Variants in RBFOX1 observed in about 807,000 individuals in gnomAD.
The protein encoded by RBFOX1 is RNA binding fox-1 homolog 1, also known as RNA binding protein fox-1 homolog 1.
A neutral mutation model predicts 57.7 loss-of-function variants in RBFOX1; 8 were observed. The observed-to-expected ratio is 0.14, with a 90% CI of 0.08 to 0.25. The LOEUF (loss-of-function observed/expected upper bound fraction) is 0.25, where lower values mean the gene tolerates loss of function less well. RBFOX1 is among the 10% of genes least tolerant of loss of function. The pLI, the probability that RBFOX1 is intolerant of heterozygous loss-of-function variation, is 1.00. For missense variants in RBFOX1, 611 were observed against 548.5 expected (o/e 1.11, Z -1.14); for synonymous variants, 326 against 222.4 (o/e 1.47, Z -4.15).
chr16:5,338,436 C>T (rs1445222076), intron 1 of RBFOX1, among the ~76,000 whole-genome samples: 1 of 152,094 alleles, frequency 6.6e-6, no homozygotes, highest in African/African-American at 2.4e-5. Context: ...AGCTGGTTTG[C>T]AGAGAGAAAA....
chr16:7,541,717 A>T (rs1398083599), intron 5 of RBFOX1, among the ~76,000 whole-genome samples: 1 of 152,206 alleles, frequency 6.6e-6, no homozygotes, highest in African/African-American at 2.4e-5. Flanking sequence ...GGCTTTCTCC[A>T]TGCAAGCAGC....
At chr16:7,016,298 C>G (rs2093909364) in intron 3 of RBFOX1, among the ~76,000 whole-genome samples, 2 of 152,136 alleles carry the variant, frequency 1.3e-5, no homozygotes, top group African/African-American at 4.8e-5. Context: ...ATCCTTCTGC[C>G]ATACTATTCA....
intron 1 of RBFOX1, among the ~76,000 whole-genome samples, chr16:6,147,154 C>A (rs2096764468): frequency 6.6e-6 from 1 of 152,122 alleles, no homozygotes; most frequent in East Asian, 1.9e-4. Context: ...TTTTCCATCC[C>A]ACTCCAACTG....
intron 1 of RBFOX1, among the ~76,000 whole-genome samples, chr16:5,404,836 C>T (rs1433675497): frequency 2.0e-5 from 3 of 152,184 alleles, no homozygotes; most frequent in Middle Eastern, 3.4e-3. Context: ...TGAGAGAGAG[C>T]GACAAAGCCA....
intron 4 of RBFOX1, among the ~76,000 whole-genome samples, chr16:7,183,928 C>T (rs1050939124): frequency 2.6e-5 from 4 of 151,952 alleles, no homozygotes; most frequent in African/African-American, 9.7e-5. Context: ...ATTAATAAAC[C>T]AATAAAGAGA....
intron 4 of RBFOX1, among the ~76,000 whole-genome samples, chr16:5,935,311 G>T (rs1172004382): frequency 6.6e-6 from 1 of 152,182 alleles, no homozygotes; most frequent in Non-Finnish European, 1.5e-5. Flanking sequence ...CATGCCACAT[G>T]GGGCCACATG....
intron 5 of RBFOX1, among the ~76,000 whole-genome samples, chr16:7,527,724 T>C (rs2079018753): frequency 6.6e-6 from 1 of 152,178 alleles, no homozygotes; most frequent in Non-Finnish European, 1.5e-5. Flanking sequence ...CAGTAATGTC[T>C]ATGAAGGTCT....
intron 4 of RBFOX1, among the ~76,000 whole-genome samples, chr16:5,918,573 A>C (rs1463601321): frequency 3.9e-5 from 6 of 152,226 alleles, no homozygotes; most frequent in Non-Finnish European, 8.8e-5. Flanking sequence ...TATCTATAAC[A>C]AAATTAGTCC....
intron 4 of RBFOX1, among the ~76,000 whole-genome samples, chr16:7,276,974 G>A (rs540532163): frequency 8.5e-5 from 13 of 152,286 alleles, no homozygotes; most frequent in African/African-American, 3.1e-4. Context: ...AGCAGCTTAT[G>A]TGCAGCAAAT....
intron 1 of RBFOX1, among the ~76,000 whole-genome samples, chr16:5,244,124 T>G (rs2062236234): frequency 6.6e-6 from 1 of 152,168 alleles, no homozygotes; most frequent in African/African-American, 2.4e-5. Context: ...CTCAAACTCC[T>G]GACCTGAGGT....
intron 3 of RBFOX1, among the ~76,000 whole-genome samples, chr16:6,672,099 G>A (rs936486840): frequency 6.6e-6 from 1 of 152,142 alleles, no homozygotes. Context: ...AAAGACCGTA[G>A]GTCCATCTCA....
intron 1 of RBFOX1, among the ~76,000 whole-genome samples, chr16:6,244,766 C>T (rs1173041435): frequency 6.6e-6 from 1 of 152,162 alleles, no homozygotes; most frequent in African/African-American, 2.4e-5. Flanking sequence ...CCTTGACCTC[C>T]CAAAGTGCTG....
At chr16:5,529,895 A>G (rs963316783) in intron 2 of RBFOX1, among the ~76,000 whole-genome samples, 1 of 152,106 alleles carries the variant, frequency 6.6e-6, no homozygotes, top group African/African-American at 2.4e-5. Context: ...GGGGATATTT[A>G]GACACAGGGA....
At chr16:5,583,474 C>G (rs1429196692) in intron 2 of RBFOX1, among the ~76,000 whole-genome samples, 31 of 152,216 alleles carry the variant, frequency 2.0e-4, no homozygotes, top group Admixed American at 2.0e-3. Context: ...GCTTCTGATT[C>G]CTGTACGTCA....
chr16:7,648,180 C>A (rs1204673954), intron 11 of RBFOX1, among the ~76,000 whole-genome samples: 1 of 152,242 alleles, frequency 6.6e-6, no homozygotes, highest in East Asian at 1.9e-4. Context: ...TGCGAAGAAG[C>A]CATGTTGTCC....
chr16:5,468,996 G>T (rs769513304), intron 2 of RBFOX1, among the ~76,000 whole-genome samples: 1 of 152,220 alleles, frequency 6.6e-6, no homozygotes, highest in Non-Finnish European at 1.5e-5. Context: ...GTAGGTGTCT[G>T]CCCGTGCTGT....
intron 3 of RBFOX1, among the ~76,000 whole-genome samples, chr16:6,898,686 A>G (rs1367071695): frequency 1.6e-4 from 24 of 152,126 alleles, no homozygotes; most frequent in Admixed American, 1.6e-3. Context: ...GTACATGTGT[A>G]TATACGTGTG....
intron 7 of RBFOX1, 76 bp from the exon 8 acceptor site, chr16:7,595,473 G>A: frequency 2.6e-6 from 3 of 1,153,460 alleles, no homozygotes; most frequent in East Asian, 2.7e-5. Context: ...AAATTAAAGC[G>A]AGAGAACATT....
intron 2 of RBFOX1, among the ~76,000 whole-genome samples, chr16:6,418,582 G>A (rs907470982): frequency 7.0e-6 from 1 of 142,386 alleles, no homozygotes; most frequent in Non-Finnish European, 1.5e-5. Flanking sequence ...GGAGTGCAGT[G>A]GTGCAATTAT....
Sources: allele counts gnomAD v4.1 joint callset (sites outside exome capture counted in the v4.1 genomes callset), GRCh38; gene constraint gnomAD v4.1.1; transcripts MANE v1.5; gene names NCBI Gene and HGNC (gene_info 2026-07-23, HGNC 2026-07-21).